The following SNTG1 variants were observed in gnomAD, a reference collection of about 807,000 sequenced individuals.
The protein encoded by SNTG1 is gamma-1-syntrophin.
A neutral mutation model predicts 74.7 loss-of-function variants in SNTG1; 39 were observed. The ratio of observed to expected loss-of-function variants is 0.52; its 90% CI spans 0.40 to 0.68. SNTG1 has a LOEUF of 0.68. Ranked by LOEUF, SNTG1 falls within the 30% of genes least tolerant of loss-of-function variation. The probability of loss-of-function intolerance (pLI) is 0.00; values close to 1 mark genes in which losing one functional copy is unlikely to be tolerated. For missense variants in SNTG1, 685 were observed against 609.5 expected, an observed-to-expected ratio of 1.12 and a Z score of -1.30; for synonymous variants, 254 against 217.1, an observed-to-expected ratio of 1.17 and a Z score of -1.49.
At chr8:50,192,426 TC>T (rs1449582038) in intron 2 of SNTG1, among the ~76,000 whole-genome samples, 8 of 152,314 alleles carry the variant, frequency 5.3e-5, no homozygotes, top group African/African-American at 1.7e-4. Flanking sequence ...AGCATTTTTT[TC>T]ATATGTTTGT....
intron 2 of SNTG1, among the ~76,000 whole-genome samples, chr8:50,378,626 A>G (rs1219988233): frequency 6.6e-6 from 1 of 152,102 alleles, no homozygotes; most frequent in East Asian, 1.9e-4. Context: ...CAGGCAGGAT[A>G]TCCCAATGAG....
chr8:50,665,408 T>TTG lies in SNTG1; in HGVS notation c.1038+6764_1038+6765dup, dbSNP rs144086828. 6.5e-3 allele frequency among the ~76,000 whole-genome samples: 962 copies of TTG among 148,944 alleles called. 3 individuals carry two copies. The highest frequency in any genetic ancestry group is 0.018 in the African/African-American group (730 of 40,834). The stretch of plus-strand genomic sequence containing the variant: ...TGCAGCCTCAGTTTGTAGTGTGTGT[T>TTG]TGTGTGTGTGTGTGTGTGTGCATGC... On this transcript the variant is annotated intron_variant, in intron 15 of 18. Transcript: ENST00000642720.
Position 50,726,677 on chromosome 8 carries a change from G to A in SNTG1, c.1284+17699G>A, listed in dbSNP as rs181045717. On this transcript the variant is annotated intron_variant, in intron 17 of 18. Transcript: ENST00000642720. The stretch of plus-strand genomic sequence containing the variant: ...AGCCTGGCTAACACAGTGAAACCCC[G>A]TCTCTACTAAAAATACAAAAAATTA... Among the ~76,000 whole-genome samples, 943 of 152,086 alleles carry A rather than the reference G, an allele frequency of 6.2e-3. 12 individuals carry two copies. Among genetic ancestry groups the A allele is most frequent in the African/African-American group, 0.022 (894 of 41,456 alleles).
At chr8:50,676,747 A>G (rs773901243) in intron 15 of SNTG1, among the ~76,000 whole-genome samples, 10 of 151,870 alleles carry the variant, frequency 6.6e-5, no homozygotes, top group Non-Finnish European at 1.5e-4. Context: ...AAATAATTTC[A>G]TATTATTCTG....
intron 17 of SNTG1, among the ~76,000 whole-genome samples, chr8:50,717,179 A>T (rs183200088): frequency 1.3e-5 from 2 of 152,128 alleles, no homozygotes; most frequent in Non-Finnish European, 2.9e-5. Context: ...TACTTTTCAT[A>T]CCCTTAAATT....
At chr8:50,751,435 T>G (rs1458571751) in intron 17 of SNTG1, among the ~76,000 whole-genome samples, 1 of 152,070 alleles carries the variant, frequency 6.6e-6, no homozygotes, top group African/African-American at 2.4e-5. Context: ...GGCAACAGAT[T>G]TCTGTTACTT....
rs184861452 is a variant in SNTG1 at position 50,710,613 on chromosome 8, C to T, written c.1284+1635C>T. On this transcript the variant is annotated intron_variant, in intron 17 of 18. Transcript: ENST00000642720. ...TCACATGAATATATTTCTGAGTATG[C>T]GAATCTATTCTGAGTTTATTTTAAA... Among the ~76,000 whole-genome samples, 141 of 152,184 alleles carry T rather than the reference C, an allele frequency of 9.3e-4. 2 individuals carry two copies. Among genetic ancestry groups the T allele is most frequent in the Middle Eastern group, 6.8e-3 (2 of 292 alleles).
At chr8:50,571,034 G>A (rs2094546602) in intron 12 of SNTG1, among the ~76,000 whole-genome samples, 1 of 152,080 alleles carries the variant, frequency 6.6e-6, no homozygotes, top group African/African-American at 2.4e-5. Flanking sequence ...ATAATAAAAT[G>A]GAGCAGTTTT....
chr8:50,668,158 A>G (rs1271945437), intron 15 of SNTG1, among the ~76,000 whole-genome samples: 1 of 151,962 alleles, frequency 6.6e-6, no homozygotes, highest in Non-Finnish European at 1.5e-5. Context: ...TTGATTAAAA[A>G]CATAATTTTA....
chr8:49,914,361 T>TAA (rs10563690), intron 1 of SNTG1, among the ~76,000 whole-genome samples: 1 of 145,010 alleles, frequency 6.9e-6, no homozygotes, highest in African/African-American at 2.6e-5. Flanking sequence ...TTTTCCCCAT[T>TAA]AAAAAAAAAA....
chr8:50,685,950 A>G (rs1184699520), intron 15 of SNTG1, among the ~76,000 whole-genome samples: 4 of 151,370 alleles, frequency 2.6e-5, no homozygotes, highest in African/African-American at 7.3e-5. Context: ...TTATAGAGAC[A>G]TGTGTGTGTG....
chr8:50,318,300 A>C (rs1388911210), intron 2 of SNTG1, among the ~76,000 whole-genome samples: 1 of 152,166 alleles, frequency 6.6e-6, no homozygotes, highest in East Asian at 1.9e-4. Flanking sequence ...TAATTATACA[A>C]TTGTGCCATT....
intron 17 of SNTG1, among the ~76,000 whole-genome samples, chr8:50,709,353 A>G (rs2095455028): frequency 1.3e-5 from 2 of 151,968 alleles, no homozygotes; most frequent in South Asian, 4.2e-4. Context: ...CAACTTCTGC[A>G]ATACAAAAAG....
intron 1 of SNTG1, among the ~76,000 whole-genome samples, chr8:49,973,042 C>T (rs1183595479): frequency 6.6e-6 from 1 of 152,158 alleles, no homozygotes; most frequent in Admixed American, 6.5e-5. Context: ...ATAAATCATA[C>T]TGCTATAAAG....
chr8:50,297,091 G>A (rs547276373), intron 2 of SNTG1, among the ~76,000 whole-genome samples: 2 of 152,230 alleles, frequency 1.3e-5, no homozygotes, highest in East Asian at 1.9e-4. Context: ...TTTCATGGAC[G>A]TAAATATTTT....
At chr8:50,387,805 T>C (rs1438731304) in intron 2 of SNTG1, among the ~76,000 whole-genome samples, 1 of 152,136 alleles carries the variant, frequency 6.6e-6, no homozygotes, top group Non-Finnish European at 1.5e-5. Context: ...CTTATACCTA[T>C]AAAAGAAAAG....
intron 2 of SNTG1, among the ~76,000 whole-genome samples, chr8:50,173,769 T>A (rs2082891750): frequency 6.6e-6 from 1 of 152,070 alleles, no homozygotes; most frequent in Non-Finnish European, 1.5e-5. Flanking sequence ...TAGATTGATT[T>A]CCCTCACCCA....
chr8:50,005,429 G>A (rs890155643), intron 1 of SNTG1, among the ~76,000 whole-genome samples: 1 of 151,088 alleles, frequency 6.6e-6, no homozygotes, highest in Admixed American at 6.6e-5. Context: ...AAGGAACAGT[G>A]GAGATTATTT....
At chr8:50,319,673 T>C (rs1325926886) in intron 2 of SNTG1, among the ~76,000 whole-genome samples, 3 of 152,170 alleles carry the variant, frequency 2.0e-5, no homozygotes, top group Non-Finnish European at 4.4e-5. Flanking sequence ...CTTTTTTCAG[T>C]TTTTCCCCAT....
Sources: allele counts gnomAD v4.1 joint callset (sites outside exome capture counted in the v4.1 genomes callset), GRCh38; gene constraint gnomAD v4.1.1; transcripts MANE v1.5; gene names NCBI Gene and HGNC (gene_info 2026-07-23, HGNC 2026-07-21).